The following FCHO2 variants were observed in gnomAD, a reference collection of about 807,000 sequenced individuals.
FCHO2 encodes the protein FCH and mu domain containing endocytic adaptor 2.
FCHO2 carries 43 observed loss-of-function variants against 114.1 expected under a neutral mutation model. The ratio of observed to expected loss-of-function variants is 0.38; its 90% CI spans 0.30 to 0.49. The LOEUF is 0.49. FCHO2 is among the 20% of genes least tolerant of loss of function. FCHO2 has a pLI of 0.97. For missense variants in FCHO2, 807 were observed against 950.4 expected, an observed-to-expected ratio of 0.85 and a Z score of 1.98; for synonymous variants, 293 against 315.2, an observed-to-expected ratio of 0.93 and a Z score of 0.75.
At chr5:73,035,914 G>A (rs112806303) in intron 9 of FCHO2, among the ~76,000 whole-genome samples, 9 of 152,198 alleles carry the variant, frequency 5.9e-5, no homozygotes, top group African/African-American at 2.2e-4. Flanking sequence ...CGTGATCTTG[G>A]CTCACTGCAT....
intron 8 of FCHO2, among the ~76,000 whole-genome samples, chr5:73,019,135 A>G (rs373428417): frequency 8.5e-5 from 13 of 152,338 alleles, no homozygotes; most frequent in African/African-American, 3.1e-4. Flanking sequence ...GGTCTATACA[A>G]GGAAGTAGGA....
chr5:73,036,554 T>G (rs1270882672), intron 9 of FCHO2, among the ~76,000 whole-genome samples: 1 of 151,932 alleles, frequency 6.6e-6, no homozygotes, highest in Non-Finnish European at 1.5e-5. Context: ...TTTGTATTTT[T>G]TTGTAGAGAC....
intron 22 of FCHO2, among the ~76,000 whole-genome samples, chr5:73,080,798 G>C (rs946688026): frequency 2.0e-5 from 3 of 152,140 alleles, no homozygotes; most frequent in African/African-American, 7.2e-5. Context: ...GAGTAGGACA[G>C]GGAGACAGTA....
chr5:72,965,698 A>G (rs897482153), intron 1 of FCHO2, among the ~76,000 whole-genome samples: 2 of 152,220 alleles, frequency 1.3e-5, no homozygotes, highest in African/African-American at 2.4e-5. Context: ...TCAAAGAAAA[A>G]AATCTTTAGG....
intron 11 of FCHO2, among the ~76,000 whole-genome samples, chr5:73,047,032 C>G (rs1237906017): frequency 6.6e-6 from 1 of 152,154 alleles, no homozygotes; most frequent in Non-Finnish European, 1.5e-5. Flanking sequence ...TCCTTGGCAG[C>G]CTTTTCTTTC....
chr5:72,991,861 G>A (rs1753831888), intron 5 of FCHO2, among the ~76,000 whole-genome samples: 1 of 152,160 alleles, frequency 6.6e-6, no homozygotes, highest in South Asian at 2.1e-4. Context: ...TATTTTTGAT[G>A]AAGCATATTA....
intron 5 of FCHO2, among the ~76,000 whole-genome samples, 192 bp downstream of exon 5, chr5:72,991,056 G>A (rs919661534): frequency 6.6e-6 from 1 of 152,102 alleles, no homozygotes; most frequent in African/African-American, 2.4e-5. Flanking sequence ...ATAGGTTAGC[G>A]AGCACTAAAA....
chr5:73,009,054 A>G (rs952952068), intron 6 of FCHO2, among the ~76,000 whole-genome samples: 1 of 152,204 alleles, frequency 6.6e-6, no homozygotes, highest in African/African-American at 2.4e-5. Flanking sequence ...GAGACTCATT[A>G]TTGAGATTTT....
At chr5:73,001,326 G>T (rs1023759718) in intron 5 of FCHO2, among the ~76,000 whole-genome samples, 3 of 151,742 alleles carry the variant, frequency 2.0e-5, no homozygotes, top group Admixed American at 2.0e-4. Flanking sequence ...CATACCTGTA[G>T]TCCTAACTAC....
chr5:73,063,640 T>C (rs1276848130), intron 17 of FCHO2, among the ~76,000 whole-genome samples: 2 of 152,060 alleles, frequency 1.3e-5, no homozygotes, highest in Non-Finnish European at 2.9e-5. Flanking sequence ...TAACTTTTTT[T>C]CAGGAATATT....
chr5:72,986,022 T>G (rs533121858), intron 2 of FCHO2, among the ~76,000 whole-genome samples: 1 of 152,154 alleles, frequency 6.6e-6, no homozygotes, highest in Admixed American at 6.5e-5. Flanking sequence ...CTCTTCTCTG[T>G]TTTTCATTCT....
At chr5:72,980,284 A>G (rs951782995) in intron 2 of FCHO2, among the ~76,000 whole-genome samples, 1 of 152,034 alleles carries the variant, frequency 6.6e-6, no homozygotes, top group Non-Finnish European at 1.5e-5. Context: ...CCTGAGTTCT[A>G]ATTTGGTTGC....
At chr5:73,047,307 C>T (rs1757103892) in intron 11 of FCHO2, among the ~76,000 whole-genome samples, 1 of 152,160 alleles carries the variant, frequency 6.6e-6, no homozygotes, top group Non-Finnish European at 1.5e-5. Context: ...AAAACACATT[C>T]AGAGAAGTGT....
At chr5:73,082,973 A>G in intron 24 of FCHO2, 148 bp downstream of exon 24, 2 of 630,770 alleles carry the variant, frequency 3.2e-6, no homozygotes, top group South Asian at 4.2e-5. Context: ...TGCTGGGTTC[A>G]AGCGATTCTC....
At chr5:73,059,293 G>A (rs983927514) in intron 17 of FCHO2, among the ~76,000 whole-genome samples, 2 of 152,134 alleles carry the variant, frequency 1.3e-5, no homozygotes, top group African/African-American at 4.8e-5. Context: ...GTTCATGCTA[G>A]GTAACTTTGT....
At chr5:72,979,560 T>A (rs982967437) in intron 2 of FCHO2, among the ~76,000 whole-genome samples, 7 of 150,086 alleles carry the variant, frequency 4.7e-5, no homozygotes, top group African/African-American at 1.7e-4. Flanking sequence ...CCCGGCTAAT[T>A]TTTTGTATTT....
intron 2 of FCHO2, among the ~76,000 whole-genome samples, chr5:72,980,749 A>C (rs757710937): frequency 1.3e-5 from 2 of 152,040 alleles, no homozygotes; most frequent in Non-Finnish European, 2.9e-5. Context: ...TGTTTTATCG[A>C]AGACTAGGAT....
chr5:73,034,380 C>G (rs1756387790), intron 8 of FCHO2: 1 of 284,748 alleles, frequency 3.5e-6, no homozygotes, highest in Admixed American at 5.4e-5. Flanking sequence ...ATTCTTGTGT[C>G]TCTAGTTTTG....
chr5:73,054,509 T>C lies in FCHO2; in HGVS notation c.1186-16T>C. The C allele has an allele frequency of 6.5e-7, 1 of 1,537,280 alleles. No homozygotes were observed. On this transcript the variant is annotated splice_polypyrimidine_tract_variant and intron_variant, in intron 14 of 25. Transcript: ENST00000430046. ...TTCATTTGTTTTATGGTACCTATTTTGCATCTCTGTTTTAGGTACAGATGA... is the reference window on the plus strand; with the variant it reads ...TTCATTTGTTTTATGGTACCTATTTCGCATCTCTGTTTTAGGTACAGATGA...
Sources: gnomAD v4.1 joint callset for allele counts (sites outside exome capture counted in the v4.1 genomes callset) on GRCh38, gnomAD v4.1.1 for gene constraint, MANE v1.5 for transcripts, NCBI Gene and HGNC (gene_info 2026-07-23, HGNC 2026-07-21) for gene names.